The following SLC9A3 variants were observed in gnomAD, a reference collection of about 807,000 sequenced individuals.
The protein encoded by SLC9A3 is sodium/hydrogen exchanger 3.
In SLC9A3, 37 loss-of-function variants were observed where a neutral mutation model predicts 86.8. The observed-to-expected ratio is 0.43, with a 90% CI of 0.33 to 0.56. The LOEUF is 0.56. Ranked by LOEUF, SLC9A3 falls within the 20% of genes least tolerant of loss-of-function variation. The pLI, the probability that SLC9A3 is intolerant of heterozygous loss-of-function variation, is 0.06. For synonymous variants in SLC9A3, 581 were observed against 528.3 expected, an observed-to-expected ratio of 1.10 and a Z score of -1.37; for missense variants, 1,011 against 1,171.9, an observed-to-expected ratio of 0.86 and a Z score of 2.00.
intron 15 of SLC9A3, 145 bp downstream of exon 15, chr5:475,416 A>G (rs576022342): frequency 4.4e-5 from 28 of 629,560 alleles, no homozygotes; most frequent in Middle Eastern, 4.3e-4. Context: ...GGGGGCACTC[A>G]GTGGGTGCCA....
At position 491,950 on chromosome 5, in the gene SLC9A3, C is replaced by T. The variant is rs377676558; in HGVS notation, c.333G>A (p.Thr111=). 1.4e-5 allele frequency: 23 copies of T among 1,609,946 alleles called. No individual in the cohort carries two copies. The highest frequency in any genetic ancestry group is 1.1e-4 in the East Asian group (5 of 44,668). The change falls in exon 2 of 17, where the codon ACG becomes ACA. Residue 111 remains threonine (T), a synonymous_variant. Transcript: ENST00000264938. The surrounding 1 kb of genome is among the most constrained non-coding windows in gnomAD (Gnocchi z 9.2). ...AADHIASFTL[T]PTVFFFYLLP... ...GCAGGTAGAAGAAGAAGACGGTGGGCGTCAGTGTGAAGGACGCGATGTGGT... is the reference window on the plus strand; with the variant it reads ...GCAGGTAGAAGAAGAAGACGGTGGGTGTCAGTGTGAAGGACGCGATGTGGT...
intron 1 of SLC9A3, among the ~76,000 whole-genome samples, chr5:495,035 G>A (rs1017497210): frequency 3.9e-5 from 6 of 152,056 alleles, no homozygotes; most frequent in Non-Finnish European, 5.9e-5. Flanking sequence ...GGTGCCCGCC[G>A]GCACGTGGGC....
intron 2 of SLC9A3, among the ~76,000 whole-genome samples, chr5:489,531 G>A (rs1046159672): frequency 5.3e-5 from 8 of 152,170 alleles, no homozygotes; most frequent in African/African-American, 1.9e-4. Context: ...TCATCTCTGC[G>A]GTGACTAAAC....
chr5:520,347 G>T (rs1006307145), intron 1 of SLC9A3, among the ~76,000 whole-genome samples: 1 of 152,308 alleles, frequency 6.6e-6, no homozygotes, highest in East Asian at 1.9e-4. Flanking sequence ...CTTTTGGTCG[G>T]GTCCTGTCGC....
At chr5:522,246 G>T (rs1733904921) in intron 1 of SLC9A3, among the ~76,000 whole-genome samples, 1 of 152,212 alleles carries the variant, frequency 6.6e-6, no homozygotes, top group Non-Finnish European at 1.5e-5. Flanking sequence ...CGCCCTCAAG[G>T]ACGTCTTCCC....
chr5:499,336 G>A (rs903666653), intron 1 of SLC9A3, among the ~76,000 whole-genome samples: 13 of 152,250 alleles, frequency 8.5e-5, no homozygotes, highest in Non-Finnish European at 8.8e-5. Context: ...GCTGCCAGTC[G>A]GTATTGAGTG....
chr5:506,379 G>T (rs535489161), intron 1 of SLC9A3, among the ~76,000 whole-genome samples: 1 of 152,192 alleles, frequency 6.6e-6, no homozygotes, highest in African/African-American at 2.4e-5. Context: ...AGGGCAGCCC[G>T]CACAGGGCGC....
At chr5:498,691 C>G (rs367963458) in intron 1 of SLC9A3, among the ~76,000 whole-genome samples, 1 of 152,054 alleles carries the variant, frequency 6.6e-6, no homozygotes, top group Non-Finnish European at 1.5e-5. Flanking sequence ...CGTGAGCCAC[C>G]GTGCCTGGCC....
chr5:483,219 G>A lies in SLC9A3; in HGVS notation c.1153+43C>T, dbSNP rs115870769. On this transcript the variant is annotated intron_variant, in intron 6 of 16. Coordinates refer to ENST00000264938, the MANE Select transcript of SLC9A3 (RefSeq NM_004174.4). ...CCTGCGCCTTCCCGGAGACGGTGCCGGCCCATCGGTGGTCCCACGGCCGCA... is the reference window on the plus strand; with the variant it reads ...CCTGCGCCTTCCCGGAGACGGTGCCAGCCCATCGGTGGTCCCACGGCCGCA... 5.0e-5 allele frequency: 71 copies of A among 1,422,478 alleles called. No homozygotes were observed. In the African/African-American group the frequency reaches 5.0e-4, roughly 10 times the overall value. The allele number at this position is 1,422,478 out of a possible 1,614,324, so 88.1% of individuals were successfully genotyped here.
rs147972454 is a variant in SLC9A3, at chr5:499,781, G to A, written c.212-7710C>T. ...AGATAATGCCAAGGTGGCTCCTAGA[G>A]ACCTTGCATCTGCGCATAACGTCTC... On this transcript the variant is annotated intron_variant, in intron 1 of 16. Coordinates refer to ENST00000264938, the MANE Select transcript of SLC9A3 (RefSeq NM_004174.4). Among the ~76,000 whole-genome samples the A allele has an allele frequency of 4.9e-3, 739 of 152,336 alleles. 4 individuals carry two copies. The highest frequency in any genetic ancestry group is 0.017 in the African/African-American group (701 of 41,582).
intron 3 of SLC9A3, among the ~76,000 whole-genome samples, chr5:486,441 T>A (rs923183385): frequency 6.6e-6 from 1 of 152,182 alleles, no homozygotes; most frequent in Non-Finnish European, 1.5e-5. Context: ...AGTAACCATG[T>A]TCCTTGGGGT....
In SLC9A3 at chr5:483,350, A is replaced by G. The variant is rs773541638; in HGVS notation, c.1065T>C (p.Gly355=). Residue 355 remains glycine (G), a synonymous_variant, in exon 6 of 17, where the codon GGT becomes GGC. Coordinates refer to ENST00000264938, the MANE Select transcript of SLC9A3 (RefSeq NM_004174.4). Reference sequence around the variant, plus strand: ...AGATGAACGGGTTCACGGCCGAGATACCCAGGAACATGAAGATGATGGTCT... The same window carrying G: ...AGATGAACGGGTTCACGGCCGAGATGCCCAGGAACATGAAGATGATGGTCT... ...SAETIIFMFL[G]ISAVNPFIWT... 11 of 1,568,694 alleles carry G rather than the reference A, an allele frequency of 7.0e-6. No homozygotes were observed. The Admixed American group carries it at 2.0e-4, about 29-fold the overall frequency.
At chr5:474,096 G>A (rs1489077548) in intron 16 of SLC9A3, among the ~76,000 whole-genome samples, 2 of 151,978 alleles carry the variant, frequency 1.3e-5, no homozygotes, top group African/African-American at 4.8e-5. Flanking sequence ...TGGAGAGAGA[G>A]AGCGCGCCAG....
At chr5:523,546 A>G (rs1447429211) in intron 1 of SLC9A3, among the ~76,000 whole-genome samples, 1 of 150,176 alleles carries the variant, frequency 6.7e-6, no homozygotes, top group Non-Finnish European at 1.5e-5. Context: ...CCGTGCCCAC[A>G]TTACTGGTTC....
Position 472,918 on chromosome 5 carries a change from G to A in SLC9A3, c.*461C>T. The A allele has an allele frequency of 1.8e-6, 1 of 540,868 alleles. No homozygotes were observed. The allele number at this position is 540,868 out of a possible 1,614,324, so 33.5% of individuals were successfully genotyped here. ...GGTTTCCCGGCAGCGGTGGGAAAGG[G>A]CGCGAGCGGCCAGCCATGGCGCGCG... On this transcript the variant is annotated 3_prime_UTR_variant, in exon 17 of 17. Coordinates refer to ENST00000264938, the MANE Select transcript of SLC9A3 (RefSeq NM_004174.4).
intron 1 of SLC9A3, among the ~76,000 whole-genome samples, chr5:507,554 C>T (rs966450903): frequency 6.6e-6 from 1 of 151,730 alleles, no homozygotes; most frequent in Admixed American, 6.6e-5. Context: ...TGTGAGCCAC[C>T]GCGCCCATTC....
At chr5:473,938 G>T (rs879366435) in intron 16 of SLC9A3, among the ~76,000 whole-genome samples, 2 of 152,222 alleles carry the variant, frequency 1.3e-5, no homozygotes, top group Non-Finnish European at 2.9e-5. Context: ...TTGGACTCGC[G>T]GACTAGCTTT....
intron 1 of SLC9A3, among the ~76,000 whole-genome samples, chr5:501,808 G>A (rs370579902): frequency 5.2e-4 from 79 of 152,362 alleles, no homozygotes; most frequent in African/African-American, 1.7e-3. Flanking sequence ...GAGGTCCGCC[G>A]TGCGGCCTGG....
intron 10 of SLC9A3, chr5:478,459 GGGGGCGCA>G (rs3832380): frequency 0.5 from 76,529 of 152,150 alleles, 19,832 homozygotes; most frequent in African/African-American, 0.62. Context: ...CGTGGGGTGG[GGGGGCGCA>G]GGGAGAGAAA....
Sources: gnomAD v4.1 joint callset for allele counts (sites outside exome capture counted in the v4.1 genomes callset) on GRCh38, gnomAD v4.1.1 for gene constraint, Gnocchi (gnomAD v3.1) non-coding constraint, MANE v1.5 for transcripts, NCBI Gene and HGNC (gene_info 2026-07-23, HGNC 2026-07-21) for gene names.